PTPRG: variants seen among roughly 807,000 people sequenced by gnomAD.
The protein encoded by PTPRG is protein tyrosine phosphatase receptor type G.
Under a neutral mutation model 165.3 loss-of-function variants are expected in PTPRG, and 102 were observed. The observed-to-expected ratio is 0.62, with a 90% CI of 0.53 to 0.73. The LOEUF (loss-of-function observed/expected upper bound fraction) is 0.73. Ranked by LOEUF, PTPRG falls within the 30% of genes least tolerant of loss-of-function variation. The pLI is 0.00. For missense variants in PTPRG, 1,866 were observed against 1,861.4 expected (o/e 1.00, Z -0.05); for synonymous variants, 675 against 669.5 (o/e 1.01, Z -0.13).
At chr3:61,962,619 C>T (rs1051437108) in intron 2 of PTPRG, among the ~76,000 whole-genome samples, 2 of 152,092 alleles carry the variant, frequency 1.3e-5, no homozygotes, top group African/African-American at 4.8e-5. Flanking sequence ...TAGTCAAAAG[C>T]GGGAACGTAT....
rs146915803 is a variant in PTPRG, at chr3:61,888,124, C to T, written c.191-101501C>T. Reference sequence around the variant, plus strand: ...CTTTGTATTATTTTATAATTTCAAACTTAGAGAAAAGTTGAAAGAAAAGTA... The same window carrying T: ...CTTTGTATTATTTTATAATTTCAAATTTAGAGAAAAGTTGAAAGAAAAGTA... On this transcript the variant is annotated intron_variant, in intron 2 of 29. Transcript: ENST00000474889. Among the ~76,000 whole-genome samples, 94 of 152,120 alleles carry T rather than the reference C, an allele frequency of 6.2e-4. 1 individual carries two copies. In the East Asian group the frequency reaches 0.017, roughly 27 times the overall value.
chr3:62,039,215 G>A (rs1345493109), intron 4 of PTPRG, among the ~76,000 whole-genome samples: 5 of 150,956 alleles, frequency 3.3e-5, no homozygotes, highest in Admixed American at 6.6e-5. Flanking sequence ...GATTATAAGC[G>A]TGAGCCACCA....
chr3:62,291,069 GTTAA>G (rs1702874553), intron 28 of PTPRG, among the ~76,000 whole-genome samples: 1 of 152,072 alleles, frequency 6.6e-6, no homozygotes, highest in Non-Finnish European at 1.5e-5. Context: ...GTAGAAAAGT[GTTAA>G]TTAGGCGATT....
chr3:61,912,573 A>G (rs927315058), intron 2 of PTPRG, among the ~76,000 whole-genome samples: 1 of 152,242 alleles, frequency 6.6e-6, no homozygotes, highest in Non-Finnish European at 1.5e-5. Context: ...TTTTGTGCTC[A>G]GAAGACCGAC....
intron 1 of PTPRG, among the ~76,000 whole-genome samples, chr3:61,609,940 TAA>T (rs1211167199): frequency 6.6e-6 from 1 of 151,662 alleles, no homozygotes; most frequent in African/African-American, 2.4e-5. Context: ...AGTTAACAAT[TAA>T]AGACAGCCCT....
At chr3:61,808,160 C>A (rs1031272952) in intron 2 of PTPRG, among the ~76,000 whole-genome samples, 1 of 152,136 alleles carries the variant, frequency 6.6e-6, no homozygotes, top group Non-Finnish European at 1.5e-5. Context: ...GTGTGTGTAA[C>A]CACATTTGAA....
At chr3:61,783,727 C>T (rs1423841510) in intron 2 of PTPRG, among the ~76,000 whole-genome samples, 4 of 152,090 alleles carry the variant, frequency 2.6e-5, no homozygotes, top group Non-Finnish European at 4.4e-5. Context: ...TAGCATAGCT[C>T]ATGCTGGGTG....
intron 8 of PTPRG, 72 bp downstream of exon 8, chr3:62,168,235 C>A: frequency 1.4e-6 from 2 of 1,390,050 alleles, no homozygotes; most frequent in South Asian, 1.4e-5. Context: ...AAAAGGAATT[C>A]AAAGCCAGCC....
At position 62,296,693 on chromosome 3, in the gene PTPRG, C is replaced by T. The variant is rs1703075027; in HGVS notation, c.*3386C>T. ...AGATGTAATTTCACTTAACCCTTTG[C>T]GCTTTCCCTTAGTTGTCATTTAACA... On this transcript the variant is annotated 3_prime_UTR_variant, in exon 30 of 30. Coordinates refer to ENST00000474889, the MANE Select transcript of PTPRG (RefSeq NM_002841.4). 1.3e-5 allele frequency: 2 copies of T among 150,198 alleles called. No individual in the cohort carries two copies. Among genetic ancestry groups the T allele is most frequent in the South Asian group, 2.1e-4 (1 of 4,774 alleles). 9.3% of individuals were successfully genotyped at this position (150,198 alleles called of 1,614,324 possible).
intron 2 of PTPRG, among the ~76,000 whole-genome samples, chr3:61,954,690 C>G (rs957086671): frequency 2.6e-5 from 4 of 152,152 alleles, no homozygotes; most frequent in African/African-American, 9.7e-5. Flanking sequence ...TAAGATACTT[C>G]CCTTGCAAAA....
intron 2 of PTPRG, among the ~76,000 whole-genome samples, chr3:61,754,309 A>G (rs969174930): frequency 3.3e-5 from 5 of 152,222 alleles, no homozygotes; most frequent in African/African-American, 9.6e-5. Flanking sequence ...AAGGTAATAT[A>G]TATTGGCACC....
At chr3:62,075,771 C>T (rs1482767846) in intron 4 of PTPRG, among the ~76,000 whole-genome samples, 1 of 152,162 alleles carries the variant, frequency 6.6e-6, no homozygotes, top group Non-Finnish European at 1.5e-5. Flanking sequence ...CGTCAAATCT[C>T]TAAATCTCTC....
chr3:62,132,094 C>T (rs1252524107), intron 5 of PTPRG, among the ~76,000 whole-genome samples: 1 of 152,180 alleles, frequency 6.6e-6, no homozygotes, highest in Non-Finnish European at 1.5e-5. Flanking sequence ...CTTCTCTCCC[C>T]TCCTCTTCTG....
intron 2 of PTPRG, among the ~76,000 whole-genome samples, chr3:61,856,298 A>T (rs1331646789): frequency 2.8e-4 from 42 of 151,562 alleles, no homozygotes; most frequent in Non-Finnish European, 5.9e-5. Flanking sequence ...TTGAGCAGTC[A>T]CTCCCCACTT....
rs1453751441 is a variant in PTPRG at position 62,233,739 on chromosome 3, G to A, written c.2375+2428G>A. On this transcript the variant is annotated intron_variant, in intron 14 of 29. Transcript: ENST00000474889. The surrounding 1 kb of genome is among the most constrained non-coding windows in gnomAD (Gnocchi z 4.7). ...CAGCAGGAAGGAAGGAGACTGTGCCGCTAAGACGCGTTGCACAGAGAATTG... is the reference window on the plus strand; with the variant it reads ...CAGCAGGAAGGAAGGAGACTGTGCCACTAAGACGCGTTGCACAGAGAATTG... 2.6e-5 allele frequency among the ~76,000 whole-genome samples: 4 copies of A among 152,172 alleles called. No homozygotes were observed. Among genetic ancestry groups the A allele is most frequent in the Non-Finnish European group, 4.4e-5 (3 of 68,040 alleles).
chr3:62,089,369 C>T (rs1043623723), intron 5 of PTPRG, among the ~76,000 whole-genome samples: 1 of 152,156 alleles, frequency 6.6e-6, no homozygotes, highest in African/African-American at 2.4e-5. Flanking sequence ...CCCCATGTTC[C>T]TCTTTTTCTG....
chr3:61,742,892 G>A (rs903320010), intron 1 of PTPRG: 80 of 1,489,874 alleles, frequency 5.4e-5, no homozygotes, highest in Non-Finnish European at 7.0e-5. Context: ...TCGTCACAGT[G>A]CTGCTGGTCC....
intron 1 of PTPRG, among the ~76,000 whole-genome samples, chr3:61,643,118 A>C (rs1410119758): frequency 1.6e-4 from 25 of 152,230 alleles, no homozygotes; most frequent in Admixed American, 1.6e-3. Flanking sequence ...AAAATGATGG[A>C]ATGGAAAACC....
chr3:62,024,815 A>G (rs2041770382), intron 4 of PTPRG, among the ~76,000 whole-genome samples: 1 of 152,226 alleles, frequency 6.6e-6, no homozygotes, highest in African/African-American at 2.4e-5. Flanking sequence ...ACTTGACTTC[A>G]TAGTGCTTGG....
Sources: allele counts gnomAD v4.1 joint callset (sites outside exome capture counted in the v4.1 genomes callset), GRCh38; gene constraint gnomAD v4.1.1; non-coding constraint Gnocchi (gnomAD v3.1); transcripts MANE v1.5; gene names NCBI Gene and HGNC (gene_info 2026-07-23, HGNC 2026-07-21).